The following PDE4B variants were observed in gnomAD, a reference collection of about 807,000 sequenced individuals.
The protein encoded by PDE4B is 3',5'-cyclic-AMP phosphodiesterase 4B.
Under a neutral mutation model 82.2 loss-of-function variants are expected in PDE4B, and 20 were observed. That is an observed-to-expected ratio of 0.24 (90% CI 0.17 to 0.35). PDE4B has a LOEUF of 0.35. Ranked by LOEUF, PDE4B falls within the 10% of genes least tolerant of loss-of-function variation. The probability of loss-of-function intolerance (pLI) is 1.00; values close to 1 mark genes in which losing one functional copy is unlikely to be tolerated. For synonymous variants in PDE4B, 320 were observed against 318.9 expected, an observed-to-expected ratio of 1.00 and a Z score of -0.04; for missense variants, 655 against 907.2, an observed-to-expected ratio of 0.72 and a Z score of 3.57.
intron 3 of PDE4B, among the ~76,000 whole-genome samples, chr1:66,084,462 A>G (rs1656900997): frequency 6.6e-6 from 1 of 152,174 alleles, no homozygotes; most frequent in South Asian, 2.1e-4. Flanking sequence ...AACAATAAAG[A>G]GCTTCTTAGG....
intron 16 of PDE4B, among the ~76,000 whole-genome samples, chr1:66,370,218 G>A (rs770772414): frequency 1.4e-5 from 2 of 144,364 alleles, no homozygotes; most frequent in Non-Finnish European, 1.5e-5. Flanking sequence ...CTAATATACT[G>A]TAAAAATGCA....
chr1:66,355,895 C>T (rs1483547032), intron 9 of PDE4B, among the ~76,000 whole-genome samples: 1 of 152,200 alleles, frequency 6.6e-6, no homozygotes, highest in Admixed American at 6.5e-5. Flanking sequence ...TGTCTGCCTG[C>T]CTACTTCCAT....
At chr1:65,998,988 T>C (rs1301154881) in intron 3 of PDE4B, among the ~76,000 whole-genome samples, 1 of 152,148 alleles carries the variant, frequency 6.6e-6, no homozygotes, top group African/African-American at 2.4e-5. Context: ...TATCAGTACA[T>C]CTATAAATAG....
chr1:66,308,768 C>T (rs1396045914), intron 7 of PDE4B, among the ~76,000 whole-genome samples: 1 of 151,846 alleles, frequency 6.6e-6, no homozygotes, highest in East Asian at 1.9e-4. Context: ...TATGTGAGGC[C>T]CATAAACAAA....
intron 12 of PDE4B, 25 bp downstream of exon 12, chr1:66,363,596 A>C (rs776453122): frequency 5.7e-6 from 9 of 1,582,470 alleles, no homozygotes; most frequent in Middle Eastern, 1.7e-4. Flanking sequence ...CCTGTTTTGC[A>C]TTCCTGCCCA....
At chr1:65,794,673 C>A (rs1645823104) in intron 1 of PDE4B, among the ~76,000 whole-genome samples, 1 of 152,146 alleles carries the variant, frequency 6.6e-6, no homozygotes, top group Non-Finnish European at 1.5e-5. Flanking sequence ...TAGGACTTGA[C>A]TGTAATATGT....
chr1:66,037,193 T>G (rs554077546), intron 3 of PDE4B, among the ~76,000 whole-genome samples: 1 of 152,080 alleles, frequency 6.6e-6, no homozygotes, highest in African/African-American at 2.4e-5. Context: ...GGGATTTTGA[T>G]AAGGATTGCA....
chr1:65,968,752 A>T (rs1424405970), intron 3 of PDE4B, among the ~76,000 whole-genome samples: 1 of 152,192 alleles, frequency 6.6e-6, no homozygotes, highest in African/African-American at 2.4e-5. Context: ...TTAAAAATGC[A>T]GTTAGTAACT....
chr1:66,294,258 A>G (rs1481788670), intron 7 of PDE4B, among the ~76,000 whole-genome samples: 1 of 152,124 alleles, frequency 6.6e-6, no homozygotes, highest in Non-Finnish European at 1.5e-5. Flanking sequence ...CTCTCAACAA[A>G]GTTGGTGTTT....
intron 8 of PDE4B, chr1:66,355,194 A>G (rs1276414589): frequency 8.3e-6 from 3 of 361,178 alleles, no homozygotes; most frequent in Non-Finnish European, 9.8e-6. Context: ...ATTAAATTAT[A>G]TTTTAGAGGT....
rs114696002 is a variant in PDE4B at position 66,295,708 on chromosome 1, G to A, written c.634+29621G>A. On this transcript the variant is annotated intron_variant, in intron 7 of 16. Transcript: ENST00000341517. ...AGTGCTGGGATTACAGGAGTGAGCCGCTGTGCCCGGCTCCCATTCTTTTCT... is the reference window on the plus strand; with the variant it reads ...AGTGCTGGGATTACAGGAGTGAGCCACTGTGCCCGGCTCCCATTCTTTTCT... 4.7e-3 allele frequency among the ~76,000 whole-genome samples: 710 copies of A among 152,176 alleles called. 6 individuals are homozygous for A. The highest frequency in any genetic ancestry group is 0.016 in the African/African-American group (671 of 41,524).
At chr1:66,049,684 G>C (rs572907593) in intron 3 of PDE4B, among the ~76,000 whole-genome samples, 4 of 151,972 alleles carry the variant, frequency 2.6e-5, no homozygotes, top group African/African-American at 4.8e-5. Flanking sequence ...CAAGAGAATA[G>C]AGCAGGAAAT....
chr1:65,969,236 G>A (rs931672636), intron 3 of PDE4B, among the ~76,000 whole-genome samples: 1 of 152,116 alleles, frequency 6.6e-6, no homozygotes, highest in Admixed American at 6.6e-5. Flanking sequence ...GCTGACAGCC[G>A]CCACCATCTC....
intron 3 of PDE4B, among the ~76,000 whole-genome samples, chr1:65,995,488 C>T (rs1651491130): frequency 1.3e-5 from 2 of 152,202 alleles, no homozygotes; most frequent in South Asian, 4.1e-4. Flanking sequence ...GCCTTTTTGT[C>T]TCTTGAGCAC....
intron 3 of PDE4B, among the ~76,000 whole-genome samples, chr1:65,925,845 A>G (rs866955895): frequency 4.6e-5 from 7 of 152,156 alleles, no homozygotes; most frequent in Admixed American, 1.3e-4. Context: ...GGGTTTCTCA[A>G]TCATCTAGCT....
chr1:65,958,221 T>C (rs1394206984), intron 3 of PDE4B, among the ~76,000 whole-genome samples: 2 of 152,096 alleles, frequency 1.3e-5, no homozygotes, highest in Admixed American at 1.3e-4. Context: ...ATTATATTTT[T>C]CCCTGCACTT....
At chr1:65,901,131 T>C (rs1359117626) in intron 1 of PDE4B, among the ~76,000 whole-genome samples, 1 of 151,998 alleles carries the variant, frequency 6.6e-6, no homozygotes, top group Non-Finnish European at 1.5e-5. Flanking sequence ...TATGTTTCTT[T>C]GATGCCTAAT....
intron 1 of PDE4B, among the ~76,000 whole-genome samples, chr1:65,881,743 A>G (rs1480388330): frequency 1.3e-5 from 2 of 152,152 alleles, no homozygotes; most frequent in East Asian, 3.8e-4. Flanking sequence ...AAATTATCTA[A>G]ACACACTAAT....
chr1:66,085,111 A>G (rs1465871082), intron 3 of PDE4B, among the ~76,000 whole-genome samples: 1 of 152,120 alleles, frequency 6.6e-6, no homozygotes, highest in Non-Finnish European at 1.5e-5. Context: ...CAGTGTGTAG[A>G]ACGGAATCGC....
Sources: allele counts gnomAD v4.1 joint callset (sites outside exome capture counted in the v4.1 genomes callset), GRCh38; gene constraint gnomAD v4.1.1; transcripts MANE v1.5; gene names NCBI Gene and HGNC (gene_info 2026-07-23, HGNC 2026-07-21).